WWP1: variants seen among roughly 807,000 people sequenced by gnomAD.
The protein encoded by WWP1 is WW domain containing E3 ubiquitin protein ligase 1, also known as NEDD4-like E3 ubiquitin-protein ligase WWP1.
In WWP1, 49 loss-of-function variants were observed where a neutral mutation model predicts 130.6. That is an observed-to-expected ratio of 0.38 (90% CI 0.30 to 0.48). The LOEUF (loss-of-function observed/expected upper bound fraction) is 0.48. Among genes scored for constraint, WWP1 ranks in the 20% least tolerant of loss-of-function variants. WWP1 has a pLI of 0.99. For missense variants in WWP1, 809 were observed against 1,100.6 expected (o/e 0.74, Z 3.75); for synonymous variants, 332 against 367.8 (o/e 0.90, Z 1.11).
At chr8:86,356,416 A>G (rs989259799) in intron 1 of WWP1, among the ~76,000 whole-genome samples, 3 of 151,482 alleles carry the variant, frequency 2.0e-5, no homozygotes, top group South Asian at 2.1e-4. Flanking sequence ...GGAAAAACTT[A>G]TCAAATGCAC....
At chr8:86,393,551 C>A (rs1807474887) in intron 5 of WWP1, among the ~76,000 whole-genome samples, 2 of 152,146 alleles carry the variant, frequency 1.3e-5, no homozygotes, top group East Asian at 1.9e-4. Context: ...TAAATAAATT[C>A]TGAAATTTTT....
chr8:86,394,933 TAA>T (rs10694206), intron 5 of WWP1, among the ~76,000 whole-genome samples: 3 of 76,412 alleles, frequency 3.9e-5, no homozygotes, highest in Non-Finnish European at 7.2e-5. Flanking sequence ...CTGTTCTTCT[TAA>T]AAAAAAAAAA....
chr8:86,350,390 CATTTT>C (rs1224647739), intron 1 of WWP1, among the ~76,000 whole-genome samples: 1 of 152,140 alleles, frequency 6.6e-6, no homozygotes, highest in Non-Finnish European at 1.5e-5. Flanking sequence ...GAATGCATTT[CATTTT>C]AAGAATTTAG....
intron 16 of WWP1, among the ~76,000 whole-genome samples, chr8:86,436,765 A>AT (rs1401979720): frequency 2.0e-5 from 3 of 152,180 alleles, no homozygotes; most frequent in Non-Finnish European, 4.4e-5. Flanking sequence ...GAGACGTCTT[A>AT]TTCCCCCCCT....
In WWP1 at chr8:86,468,423, C is replaced by A. The variant is rs1812285053; in HGVS notation, c.*1530C>A. 3 of 440,938 alleles carry A rather than the reference C, an allele frequency of 6.8e-6. No individual in the cohort carries two copies. The highest frequency in any genetic ancestry group is 1.7e-5 in the South Asian group (1 of 60,502). 27.3% of individuals were successfully genotyped at this position (440,938 alleles called of 1,614,324 possible). A position where few individuals can be genotyped will look rare whatever the true frequency, so the allele number is the denominator to read the frequency against. On this transcript the variant is annotated 3_prime_UTR_variant, in exon 25 of 25. Coordinates refer to ENST00000517970, the MANE Select transcript of WWP1 (RefSeq NM_007013.4). ...TATGAACACTCTGGTAATTTTCAAG[C>A]CTAAAGAATTAAAAAAAAAATTCTA...
intron 1 of WWP1, among the ~76,000 whole-genome samples, chr8:86,353,640 G>A (rs1277955651): frequency 1.3e-5 from 2 of 152,068 alleles, no homozygotes; most frequent in African/African-American, 4.8e-5. Flanking sequence ...TTATAGGTAC[G>A]TGACACCTGC....
At chr8:86,395,476 A>C (rs768425206) in intron 5 of WWP1, among the ~76,000 whole-genome samples, 1 of 135,356 alleles carries the variant, frequency 7.4e-6, no homozygotes, top group Non-Finnish European at 1.7e-5. Context: ...CCACAGATTC[A>C]TACTGTCCCA....
At chr8:86,358,579 C>T (rs953036708) in intron 1 of WWP1, among the ~76,000 whole-genome samples, 10 of 151,680 alleles carry the variant, frequency 6.6e-5, no homozygotes, top group African/African-American at 2.4e-4. Context: ...GTTCCCCAGG[C>T]TCAAGTGATT....
At chr8:86,413,066 A>T (rs953228114) in intron 9 of WWP1, among the ~76,000 whole-genome samples, 1 of 152,060 alleles carries the variant, frequency 6.6e-6, no homozygotes, top group African/African-American at 2.4e-5. Context: ...TGACCTCATG[A>T]TCCACCCGCC....
intron 5 of WWP1, among the ~76,000 whole-genome samples, chr8:86,395,310 G>A (rs193292942): frequency 1.1e-4 from 16 of 152,284 alleles, no homozygotes; most frequent in East Asian, 7.7e-4. Context: ...CCATTGTAAC[G>A]TGAAAGCAGC....
At chr8:86,379,627 G>T (rs1480244840) in intron 3 of WWP1, among the ~76,000 whole-genome samples, 2 of 151,854 alleles carry the variant, frequency 1.3e-5, no homozygotes, top group Admixed American at 1.3e-4. Context: ...TCATATCTCA[G>T]GTATATTAGA....
intron 8 of WWP1, among the ~76,000 whole-genome samples, chr8:86,405,809 G>C (rs1808247335): frequency 6.6e-6 from 1 of 151,790 alleles, no homozygotes; most frequent in African/African-American, 2.4e-5. Flanking sequence ...TGGGATTACA[G>C]GGGTGAGCTA....
intron 9 of WWP1, among the ~76,000 whole-genome samples, chr8:86,422,309 G>A (rs1386699985): frequency 7.1e-6 from 1 of 141,270 alleles, no homozygotes; most frequent in East Asian, 1.9e-4. Flanking sequence ...AAACTCAGAA[G>A]TACCAGTTTG....
chr8:86,458,104 A>C (rs1194264735), intron 22 of WWP1, 79 bp downstream of exon 22: 20 of 1,194,062 alleles, frequency 1.7e-5, no homozygotes, highest in Non-Finnish European at 2.4e-5. Context: ...ATAGCTTATT[A>C]TTTTTAATTG....
rs1824642856 is a variant in WWP1, at chr8:86,376,284, CT to C, written c.70+2165del. ...AGTTCTTAGGTAAAATAAGAAAAAA[CT>C]AGGCCAGGCGCGGTGGCTCATGCCT... On this transcript the variant is annotated intron_variant, in intron 3 of 24. Coordinates refer to ENST00000517970, the MANE Select transcript of WWP1 (RefSeq NM_007013.4). Among the ~76,000 whole-genome samples, 2 of 152,114 alleles carry C rather than the reference CT, an allele frequency of 1.3e-5. 1 individual carries two copies. Among genetic ancestry groups the C allele is most frequent in the South Asian group, 4.1e-4 (2 of 4,830 alleles).
chr8:86,385,354 G>C (rs936186063), intron 5 of WWP1, among the ~76,000 whole-genome samples: 12 of 152,146 alleles, frequency 7.9e-5, no homozygotes, highest in Non-Finnish European at 1.2e-4. Context: ...GGAATCTCCT[G>C]AGAGGAAAGA....
At chr8:86,416,531 TTTA>T (rs1808896604) in intron 9 of WWP1, among the ~76,000 whole-genome samples, 1 of 152,168 alleles carries the variant, frequency 6.6e-6, no homozygotes, top group African/African-American at 2.4e-5. Flanking sequence ...TTCACCAAAT[TTTA>T]TTATTTTTAT....
chr8:86,433,118 A>G (rs1210028846), intron 14 of WWP1, among the ~76,000 whole-genome samples: 2 of 151,464 alleles, frequency 1.3e-5, no homozygotes, highest in Non-Finnish European at 2.9e-5. Context: ...GACACAATAC[A>G]TTTCTCTCTC....
intron 5 of WWP1, among the ~76,000 whole-genome samples, chr8:86,391,153 G>A (rs938406135): frequency 2.0e-5 from 3 of 152,068 alleles, no homozygotes; most frequent in Admixed American, 6.5e-5. Flanking sequence ...AACTAACTGC[G>A]TCTTGTTAGG....
Sources: gnomAD v4.1 joint callset for allele counts (sites outside exome capture counted in the v4.1 genomes callset) on GRCh38, gnomAD v4.1.1 for gene constraint, MANE v1.5 for transcripts, NCBI Gene and HGNC (gene_info 2026-07-23, HGNC 2026-07-21) for gene names.